AK5: variants seen among roughly 807,000 people sequenced by gnomAD.
The protein encoded by AK5 is adenylate kinase isoenzyme 5.
In AK5, 27 loss-of-function variants were observed where a neutral mutation model predicts 69.5. The observed-to-expected ratio is 0.39, with a 90% CI of 0.29 to 0.54. The LOEUF (loss-of-function observed/expected upper bound fraction) is 0.54, where lower values mean the gene tolerates loss of function less well. Ranked by LOEUF, AK5 falls within the 20% of genes least tolerant of loss-of-function variation. The pLI is 0.71. For synonymous variants in AK5, 260 were observed against 244.4 expected (o/e 1.06, Z -0.60); for missense variants, 531 against 700.4 (o/e 0.76, Z 2.73).
At chr1:77,485,516 TATTTTAAAAGG>T (rs1375567283) in intron 9 of AK5, among the ~76,000 whole-genome samples, 1 of 152,240 alleles carries the variant, frequency 6.6e-6, no homozygotes, top group Non-Finnish European at 1.5e-5. Context: ...CAGATACATT[TATTTTAAAAGG>T]AAATTTTATA....
intron 13 of AK5, among the ~76,000 whole-genome samples, chr1:77,550,225 G>A (rs986902420): frequency 2.6e-5 from 4 of 152,126 alleles, no homozygotes; most frequent in South Asian, 2.1e-4. Context: ...GTTTACAGGC[G>A]TGAGCCATTC....
intron 12 of AK5, among the ~76,000 whole-genome samples, chr1:77,532,645 C>T (rs528329709): frequency 6.6e-6 from 1 of 152,214 alleles, no homozygotes; most frequent in African/African-American, 2.4e-5. Flanking sequence ...TTGTAAAGCC[C>T]TTAGCACAGT....
At chr1:77,286,401 A>C (rs1013693638) in intron 1 of AK5, among the ~76,000 whole-genome samples, 4 of 150,142 alleles carry the variant, frequency 2.7e-5, no homozygotes, top group Non-Finnish European at 5.9e-5. Context: ...GAGGCAGAGA[A>C]TGCTGAACTG....
At chr1:77,461,175 A>T (rs1010679508) in intron 8 of AK5, among the ~76,000 whole-genome samples, 46 of 151,714 alleles carry the variant, frequency 3.0e-4, no homozygotes, top group Admixed American at 1.9e-3. Flanking sequence ...CTGAGACTAC[A>T]GGTGCCCACC....
intron 10 of AK5, among the ~76,000 whole-genome samples, chr1:77,516,793 G>A (rs910757291): frequency 4.6e-5 from 7 of 152,098 alleles, no homozygotes; most frequent in Non-Finnish European, 4.4e-5. Flanking sequence ...AGAGGGGCCC[G>A]GCACAGTGGC....
intron 10 of AK5, among the ~76,000 whole-genome samples, chr1:77,516,288 A>G (rs1657639034): frequency 6.6e-6 from 1 of 152,172 alleles, no homozygotes; most frequent in Non-Finnish European, 1.5e-5. Flanking sequence ...GCAGATTGTA[A>G]GAATGGTGGT....
intron 6 of AK5, among the ~76,000 whole-genome samples, chr1:77,365,857 T>C (rs1043559823): frequency 1.6e-4 from 24 of 152,216 alleles, no homozygotes; most frequent in Admixed American, 1.4e-3. Flanking sequence ...TCTTTTGTAA[T>C]TCTCTTTTAT....
At chr1:77,309,641 TTTTTA>T (rs1223579773) in intron 5 of AK5, among the ~76,000 whole-genome samples, 1 of 152,154 alleles carries the variant, frequency 6.6e-6, no homozygotes, top group Non-Finnish European at 1.5e-5. Context: ...AGTACTTACC[TTTTTA>T]TTTTATTTAT....
intron 2 of AK5, among the ~76,000 whole-genome samples, chr1:77,291,536 A>C (rs560649179): frequency 6.6e-6 from 1 of 152,244 alleles, no homozygotes; most frequent in Non-Finnish European, 1.5e-5. Context: ...ACTAGATTAA[A>C]GCTAAACCCT....
intron 10 of AK5, among the ~76,000 whole-genome samples, chr1:77,512,045 G>T (rs1251164624): frequency 1.3e-5 from 2 of 152,184 alleles, no homozygotes; most frequent in African/African-American, 2.4e-5. Context: ...GAAGGTCATT[G>T]GTGCTGAGGA....
intron 6 of AK5, among the ~76,000 whole-genome samples, chr1:77,365,696 G>A (rs1191281508): frequency 6.6e-6 from 1 of 152,208 alleles, no homozygotes; most frequent in Non-Finnish European, 1.5e-5. Context: ...TGATCTGACA[G>A]GAGATGGAGC....
chr1:77,401,880 A>G (rs1394771739), intron 6 of AK5, among the ~76,000 whole-genome samples: 6 of 152,194 alleles, frequency 3.9e-5, no homozygotes, highest in Admixed American at 3.9e-4. Flanking sequence ...TTGTGAATGA[A>G]CTAGGGAATT....
At chr1:77,513,614 C>T (rs1324384497) in intron 10 of AK5, among the ~76,000 whole-genome samples, 3 of 152,164 alleles carry the variant, frequency 2.0e-5, no homozygotes, top group Admixed American at 6.5e-5. Context: ...CCGAGGTGGG[C>T]GGATCACTTG....
intron 10 of AK5, among the ~76,000 whole-genome samples, chr1:77,504,014 CAT>C (rs1656881620): frequency 6.6e-6 from 1 of 152,144 alleles, no homozygotes; most frequent in Admixed American, 6.5e-5. Flanking sequence ...TATTTGAAGA[CAT>C]ATACACTTTT....
rs924352201 is a variant in AK5 at position 77,419,054 on chromosome 1, A to G, written c.1059+1339A>G. The stretch of plus-strand genomic sequence containing the variant: ...ATTATTATCTCTATATCACAGACAA[A>G]AAAAAAAAGGACTAGAAGAGTAATT... On this transcript the variant is annotated intron_variant, in intron 8 of 13. Coordinates refer to ENST00000354567, the MANE Select transcript of AK5 (RefSeq NM_174858.3). Among the ~76,000 whole-genome samples the G allele has an allele frequency of 2.6e-3, 388 of 150,466 alleles. 2 individuals carry two copies. Among genetic ancestry groups the G allele is most frequent in the Admixed American group, 3.9e-3 (59 of 15,016 alleles).
intron 6 of AK5, among the ~76,000 whole-genome samples, chr1:77,369,185 A>C (rs1281258310): frequency 6.6e-6 from 1 of 152,190 alleles, no homozygotes; most frequent in Non-Finnish European, 1.5e-5. Flanking sequence ...ACAGATCAGA[A>C]AGCTCAAGTT....
intron 8 of AK5, among the ~76,000 whole-genome samples, chr1:77,462,889 T>G (rs1653926683): frequency 6.6e-6 from 1 of 152,202 alleles, no homozygotes; most frequent in Non-Finnish European, 1.5e-5. Context: ...TTGTCTCAAT[T>G]CTTCATAAAG....
intron 13 of AK5, among the ~76,000 whole-genome samples, chr1:77,546,142 C>T (rs1204605191): frequency 6.6e-6 from 1 of 152,100 alleles, no homozygotes; most frequent in Admixed American, 6.5e-5. Flanking sequence ...TGTGTCTCCT[C>T]CCCAAACAGC....
At chr1:77,501,331 A>G (rs1656705610) in intron 10 of AK5, among the ~76,000 whole-genome samples, 1 of 152,238 alleles carries the variant, frequency 6.6e-6, no homozygotes, top group Admixed American at 6.5e-5. Flanking sequence ...CCCTCCACGA[A>G]TTCTCCCATA....
Sources: allele counts gnomAD v4.1 joint callset (sites outside exome capture counted in the v4.1 genomes callset), GRCh38; gene constraint gnomAD v4.1.1; transcripts MANE v1.5; gene names NCBI Gene and HGNC (gene_info 2026-07-23, HGNC 2026-07-21).